Variants in SLC38A8 observed in about 807,000 individuals in gnomAD.
SLC38A8 encodes amino acid transporter SLC38A8.
Under a neutral mutation model 46.0 loss-of-function variants are expected in SLC38A8, and 65 were observed. The ratio of observed to expected loss-of-function variants is 1.41; its 90% CI spans 1.16 to 1.74. The LOEUF (loss-of-function observed/expected upper bound fraction) is 1.74, where lower values mean the gene tolerates loss of function less well. Among genes scored for constraint, SLC38A8 ranks in the 40% most tolerant of loss-of-function variants. The pLI is 0.00. For missense variants in SLC38A8, 998 were observed against 567.9 expected, an observed-to-expected ratio of 1.76 and a Z score of -7.70; for synonymous variants, 447 against 243.7, an observed-to-expected ratio of 1.83 and a Z score of -7.77.
chr16:84,036,648 G>A (rs953932783), intron 3 of SLC38A8, 54 bp downstream of exon 3: 97 of 1,596,548 alleles, frequency 6.1e-5, no homozygotes, highest in Non-Finnish European at 8.3e-5. Flanking sequence ...AACTCCAAGA[G>A]GTCATTAGAG....
intron 8 of SLC38A8, 104 bp downstream of exon 8, chr16:84,017,036 G>C (rs1159874733): frequency 1.4e-6 from 2 of 1,451,750 alleles, no homozygotes; most frequent in African/African-American, 1.4e-5. Context: ...AATTGGAGAG[G>C]ATGGTAGTCC....
At chr16:84,013,830 C>T (rs888297884) in intron 9 of SLC38A8, among the ~76,000 whole-genome samples, 5 of 151,988 alleles carry the variant, frequency 3.3e-5, no homozygotes, top group African/African-American at 1.2e-4. Flanking sequence ...CTGTCCTGGG[C>T]AGTCCTTCCC....
chr16:84,026,124 G>C (rs767326283), intron 6 of SLC38A8, among the ~76,000 whole-genome samples: 3 of 152,264 alleles, frequency 2.0e-5, no homozygotes, highest in African/African-American at 7.2e-5. Flanking sequence ...GGGCACAGCT[G>C]AGTCCAATAT....
Position 84,033,323 on chromosome 16 carries a change from C to G in SLC38A8, c.530+5G>C, listed in dbSNP as rs768086512. ...GCCCCCACCAGGCAGCATCCCAGCCCTTACCTTGTGTATTTCTGGAAGGCG... is the reference window on the plus strand; with the variant it reads ...GCCCCCACCAGGCAGCATCCCAGCCGTTACCTTGTGTATTTCTGGAAGGCG... On this transcript the variant is annotated splice_donor_5th_base_variant and intron_variant, in intron 4 of 10. Transcript: ENST00000299709. 2 of 1,613,936 alleles carry G rather than the reference C, an allele frequency of 1.2e-6. No individual in the cohort carries two copies. Among genetic ancestry groups the G allele is most frequent in the African/African-American group, 2.7e-5 (2 of 74,890 alleles).
chr16:84,029,128 C>A (rs944480193), intron 6 of SLC38A8, among the ~76,000 whole-genome samples: 1 of 152,180 alleles, frequency 6.6e-6, no homozygotes, highest in African/African-American at 2.4e-5. Flanking sequence ...GTTAGGTGGG[C>A]AGCTTAGGCC....
intron 6 of SLC38A8, among the ~76,000 whole-genome samples, chr16:84,025,731 G>C (rs1382482400): frequency 6.6e-6 from 1 of 152,200 alleles, no homozygotes; most frequent in Admixed American, 6.5e-5. Context: ...CAGCACAGCT[G>C]TCCTCTCACC....
At chr16:84,042,891 G>C (rs2085383572), upstream of SLC38A8, among the ~76,000 whole-genome samples, 1 of 152,192 alleles carries the variant, frequency 6.6e-6, no homozygotes, top group Non-Finnish European at 1.5e-5. Context: ...AGCTTTCTCA[G>C]CTGCCCTGGA....
At position 84,031,871 on chromosome 16, in the gene SLC38A8, G is replaced by C. The variant is rs150844985; in HGVS notation, c.628C>G (p.Leu210Val). The C allele has an allele frequency of 5.4e-4, 878 of 1,614,026 alleles. 7 individuals are homozygous for C. The African/African-American group carries it at 0.01, about 19-fold the overall frequency. ...QGLVRESHPS[L>V]SPASWTSVFS... ...AAGCTGTTCCCTCAGACTTACCTCAGTGAAGGATGGGACTCACGCACGAGG... is the reference window on the plus strand; with the variant it reads ...AAGCTGTTCCCTCAGACTTACCTCACTGAAGGATGGGACTCACGCACGAGG... Residue 210 changes from leucine to valine, a missense_variant, in exon 5 of 11, where the codon CTG becomes GTG. Leu to Val is a conservative substitution (Grantham distance 32, BLOSUM62 1). Transcript: ENST00000299709.
At chr16:84,035,578 T>G (rs1267404308) in intron 3 of SLC38A8, among the ~76,000 whole-genome samples, 4 of 152,128 alleles carry the variant, frequency 2.6e-5, no homozygotes, top group South Asian at 2.1e-4. Context: ...CTCAGGCTGG[T>G]GTTGCAAAAA....
intron 2 of SLC38A8, among the ~76,000 whole-genome samples, chr16:84,037,771 A>AGAG (rs36197780): frequency 2.8e-4 from 40 of 142,582 alleles, no homozygotes; most frequent in African/African-American, 6.3e-4. Context: ...AAAAAAAAAA[A>AGAG]AGAGAAAAGA....
intron 5 of SLC38A8, among the ~76,000 whole-genome samples, chr16:84,030,624 G>C (rs908080111): frequency 6.6e-6 from 1 of 152,080 alleles, no homozygotes; most frequent in Non-Finnish European, 1.5e-5. Flanking sequence ...CCAGGAAACA[G>C]CATCTCCATC....
chr16:84,021,290 C>G (rs1436826579), intron 7 of SLC38A8, among the ~76,000 whole-genome samples: 1 of 152,180 alleles, frequency 6.6e-6, no homozygotes, highest in African/African-American at 2.4e-5. Flanking sequence ...GTCTCAAAAT[C>G]CTGACCTCAA....
At chr16:84,012,965 A>C in intron 10 of SLC38A8, 36 bp downstream of exon 10, 2 of 1,611,178 alleles carry the variant, frequency 1.2e-6, no homozygotes, top group East Asian at 4.5e-5. Context: ...GATCCGGGGC[A>C]CACCCAGGGT....
chr16:84,009,669 A>T lies in SLC38A8; in HGVS notation c.*115T>A. 1.2e-6 allele frequency: 1 copy of T among 847,118 alleles called. No individual in the cohort carries two copies. Among genetic ancestry groups the T allele is most frequent in the Non-Finnish European group, 1.8e-6 (1 of 555,864 alleles). The allele number at this position is 847,118 out of a possible 1,614,324, so 52.5% of individuals were successfully genotyped here. On this transcript the variant is annotated 3_prime_UTR_variant, in exon 11 of 11. Transcript: ENST00000299709. ...GCAGCCCAAGGAGGCAGAAGGCATCAGTCTCTCCAGCATCTTTATGAGGAA... is the reference window on the plus strand; with the variant it reads ...GCAGCCCAAGGAGGCAGAAGGCATCTGTCTCTCCAGCATCTTTATGAGGAA...
chr16:84,041,995 C>A lies in SLC38A8; in HGVS notation c.163G>T (p.Val55Leu). 6.2e-7 allele frequency: 1 copy of A among 1,608,984 alleles called. No individual in the cohort carries two copies. Among genetic ancestry groups the A allele is most frequent in the South Asian group, 1.1e-5 (1 of 90,396 alleles). Residue 55 changes from valine (V) to leucine (L), a missense_variant, in exon 2 of 11, where the codon GTG becomes TTG. Transcript: ENST00000299709. ...FPWAFSKAGG[V>L]VPAFLVELVS... ...AGCTCCACCAGGAAGGCAGGGACCA[C>A]TCCGCCCGCTTTGGAGAAGGCCCAG...
chr16:84,014,006 AG>A (rs1366958799), intron 9 of SLC38A8, among the ~76,000 whole-genome samples: 2 of 151,288 alleles, frequency 1.3e-5, no homozygotes, highest in African/African-American at 2.4e-5. Context: ...CCACACCCTC[AG>A]CCCTGAAAGC....
intron 10 of SLC38A8, among the ~76,000 whole-genome samples, 175 bp from the exon 11 acceptor site, chr16:84,010,052 C>T (rs2084936325): frequency 1.4e-5 from 2 of 147,118 alleles, no homozygotes; most frequent in South Asian, 2.1e-4. Context: ...CAATGGGAAG[C>T]AAAGTACCCA....
rs1597281243 is a variant in SLC38A8, at chr16:84,039,336, C to G, written c.190-2436G>C. Reference sequence around the variant, plus strand: ...AATTGTAAAATATTGAGGGATTTCTCCAATGTCCTCTCACCCACGCTCTAA... The same window carrying G: ...AATTGTAAAATATTGAGGGATTTCTGCAATGTCCTCTCACCCACGCTCTAA... On this transcript the variant is annotated intron_variant, in intron 2 of 10. Coordinates refer to ENST00000299709, the MANE Select transcript of SLC38A8 (RefSeq NM_001080442.3). 2.6e-5 allele frequency among the ~76,000 whole-genome samples: 4 copies of G among 152,306 alleles called. No individual in the cohort carries two copies. In the South Asian group the frequency reaches 8.3e-4, roughly 32 times the overall value.
chr16:84,012,905 C>G (rs1048524290), intron 10 of SLC38A8, 96 bp downstream of exon 10: 1 of 1,345,542 alleles, frequency 7.4e-7, no homozygotes, highest in Non-Finnish European at 1.0e-6. Context: ...CTGCAGGATG[C>G]AGAGGATGAG....
Sources: gnomAD v4.1 joint callset for allele counts (sites outside exome capture counted in the v4.1 genomes callset) on GRCh38, gnomAD v4.1.1 for gene constraint, MANE v1.5 for transcripts, NCBI Gene and HGNC (gene_info 2026-07-23, HGNC 2026-07-21) for gene names.